Variants in DDX60L observed in about 807,000 individuals in gnomAD.
DDX60L encodes the protein probable ATP-dependent RNA helicase DDX60-like.
In DDX60L, 191 loss-of-function variants were observed where a neutral mutation model predicts 211.6. The observed-to-expected ratio is 0.90, with a 90% CI of 0.80 to 1.02. The LOEUF is 1.02. Among genes scored for constraint, DDX60L ranks in the 50% least tolerant of loss-of-function variants. The pLI is 0.00. For synonymous variants in DDX60L, 706 were observed against 694.1 expected, an observed-to-expected ratio of 1.02 and a Z score of -0.27; for missense variants, 2,007 against 1,984.1, an observed-to-expected ratio of 1.01 and a Z score of -0.22.
chr4:168,390,570 G>T, intron 29 of DDX60L: 1 of 1,043,020 alleles, frequency 9.6e-7, no homozygotes, highest in Non-Finnish European at 1.3e-6. Flanking sequence ...TCAAGAATAA[G>T]CAAAATGATA....
chr4:168,391,406 C>A, intron 29 of DDX60L, 134 bp downstream of exon 29: 1 of 619,680 alleles, frequency 1.6e-6, no homozygotes. Flanking sequence ...GGCCACTCAA[C>A]TCAAAAATGC....
chr4:168,471,905 A>G lies in DDX60L; in HGVS notation c.106T>C (p.Ser36Pro). The G allele has an allele frequency of 6.2e-7, 1 of 1,607,920 alleles. No individual in the cohort carries two copies. Among genetic ancestry groups the G allele is most frequent in the Non-Finnish European group, 8.5e-7 (1 of 1,178,318 alleles). The change falls in exon 4 of 38, where the codon TCT (serine) becomes CCT (proline). Residue 36 changes from serine (S) to proline (P), a missense_variant. Coordinates refer to ENST00000682922, the MANE Select transcript of DDX60L (RefSeq NM_001012967.3). ...TCTCCATCAATCACAAAAAAATTAG[A>G]TTCCACAAAATCATTTAATATGCTG... is the stretch of plus-strand genomic sequence containing the variant. ...YSSILNDFVE[S>P]NFFVIDGDSL... is the part of the protein sequence containing the mutation.
intron 1 of DDX60L, among the ~76,000 whole-genome samples, chr4:168,479,530 G>A (rs1041251986): frequency 1.3e-5 from 2 of 152,088 alleles, no homozygotes; most frequent in African/African-American, 2.4e-5. Flanking sequence ...GCCCCATCAC[G>A]GATGATGTCA....
chr4:168,445,645 A>C lies in DDX60L; in HGVS notation c.1138+2993T>G, dbSNP rs574124630. Among the ~76,000 whole-genome samples the C allele has an allele frequency of 1.6e-3, 247 of 152,200 alleles. No individual in the cohort carries two copies. In the Middle Eastern group the frequency reaches 0.031, roughly 19 times the overall value. On this transcript the variant is annotated intron_variant, in intron 9 of 37. Transcript: ENST00000682922. ...AAAATCCTCAATAAAATACTGGCAA[A>C]ACAAATCCAGCAGCACATCCAAAAG...
rs182576346 is a variant in DDX60L at position 168,427,516 on chromosome 4, T to C, written c.1678-194A>G. ...AAACCTACTTAAACTTCAGTATAAA[T>C]GTAAATTGCCTCTTACTGCAGAATA... On this transcript the variant is annotated intron_variant, in intron 13 of 37. Coordinates refer to ENST00000682922, the MANE Select transcript of DDX60L (RefSeq NM_001012967.3). 2.2e-3 allele frequency among the ~76,000 whole-genome samples: 338 copies of C among 152,318 alleles called. 3 individuals are homozygous for C. Among genetic ancestry groups the C allele is most frequent in the African/African-American group, 7.9e-3 (329 of 41,554 alleles).
intron 27 of DDX60L, 118 bp downstream of exon 27, chr4:168,395,839 CAG>C (rs772693467): frequency 7.0e-6 from 5 of 710,386 alleles, no homozygotes; most frequent in Non-Finnish European, 1.2e-5. Context: ...AAATCACACA[CAG>C]AGATAATCAT....
At chr4:168,369,316 C>T (rs544640636) in intron 36 of DDX60L, among the ~76,000 whole-genome samples, 52 of 152,124 alleles carry the variant, frequency 3.4e-4, no homozygotes, top group Non-Finnish European at 5.4e-4. Context: ...TGCACATGCT[C>T]TCTTCTCTTG....
intron 32 of DDX60L, among the ~76,000 whole-genome samples, chr4:168,378,851 C>G (rs545889066): frequency 6.6e-6 from 1 of 152,120 alleles, no homozygotes; most frequent in African/African-American, 2.4e-5. Context: ...GGTATCTCAA[C>G]GGCTAATTGA....
Position 168,358,021 on chromosome 4 carries a change from A to C in DDX60L, c.*126T>G. 3.7e-6 allele frequency: 3 copies of C among 801,624 alleles called. No homozygotes were observed. The highest frequency in any genetic ancestry group is 1.7e-5 in the South Asian group (1 of 59,196). The allele number at this position is 801,624 out of a possible 1,614,324, so 49.7% of individuals were successfully genotyped here. A position where few individuals can be genotyped will look rare whatever the true frequency, so the allele number is the denominator to read the frequency against. On this transcript the variant is annotated 3_prime_UTR_variant, in exon 38 of 38. Transcript: ENST00000682922. ...TCAGTTAGAAAATAGCAGAGCTGAT[A>C]TCTGAGTTTAATTCTGTTTGACTCC...
rs117594605 is a variant in DDX60L at position 168,385,327 on chromosome 4, C to T, written c.3916-515G>A. 2.2e-3 allele frequency among the ~76,000 whole-genome samples: 338 copies of T among 152,304 alleles called. 10 individuals are homozygous for T. In the East Asian group the frequency reaches 0.052, roughly 23 times the overall value. ...AAGAGCTTCCACACAGCTGAATACA[C>T]GGAGTTTCCTGGAGGGTGGTGTGCC... On this transcript the variant is annotated intron_variant, in intron 29 of 37. Coordinates refer to ENST00000682922, the MANE Select transcript of DDX60L (RefSeq NM_001012967.3).
intron 19 of DDX60L, among the ~76,000 whole-genome samples, chr4:168,418,809 T>G (rs1013583029): frequency 2.0e-5 from 3 of 152,240 alleles, no homozygotes; most frequent in African/African-American, 4.8e-5. Context: ...TCACCCAGCC[T>G]CCTTAGCCCT....
chr4:168,471,650 G>C, intron 4 of DDX60L, 97 bp downstream of exon 4: 1 of 948,410 alleles, frequency 1.1e-6, no homozygotes, highest in Non-Finnish European at 1.5e-6. Context: ...TATTTTCTAT[G>C]ATGACATGCT....
chr4:168,424,189 G>A (rs566413012), intron 14 of DDX60L, among the ~76,000 whole-genome samples: 1 of 152,252 alleles, frequency 6.6e-6, no homozygotes, highest in Non-Finnish European at 1.5e-5. Context: ...ACCAAAACAT[G>A]AGCAACATTT....
In DDX60L at chr4:168,358,009, A is replaced by T. The variant is rs1303611897; in HGVS notation, c.*138T>A. ...ACTTAAAGTCATTCAGTTAGAAAAT[A>T]GCAGAGCTGATATCTGAGTTTAATT... is the stretch of plus-strand genomic sequence containing the variant. On this transcript the variant is annotated 3_prime_UTR_variant, in exon 38 of 38. Coordinates refer to ENST00000682922, the MANE Select transcript of DDX60L (RefSeq NM_001012967.3). The T allele has an allele frequency of 1.1e-5, 8 of 733,892 alleles. No individual in the cohort carries two copies. The highest frequency in any genetic ancestry group is 1.5e-5 in the Non-Finnish European group (7 of 453,656). 45.5% of individuals were successfully genotyped at this position (733,892 alleles called of 1,614,324 possible).
In DDX60L at chr4:168,384,688, G is replaced by A. The variant is rs200066320; in HGVS notation, c.4040C>T (p.Pro1347Leu). The change falls in exon 30 of 38, where the codon CCT becomes CTT. Residue 1347 changes from proline (P) to leucine (L), a missense_variant. Pro to Leu is a moderately conservative substitution (Grantham distance 98). Coordinates refer to ENST00000682922, the MANE Select transcript of DDX60L (RefSeq NM_001012967.3). ...SSVPELRGQF[P>L]LSITLVLRLM... is the part of the protein sequence containing the mutation. ...TCGCAGGACCAGGGTTATGCTGAGA[G>A]GGAACTGTCCTCTCAGCTCAGGAAC... 146 of 1,613,942 alleles carry A rather than the reference G, an allele frequency of 9.0e-5. No homozygotes were observed. Among genetic ancestry groups the A allele is most frequent in the Admixed American group, 3.0e-4 (18 of 59,926 alleles).
intron 22 of DDX60L, among the ~76,000 whole-genome samples, chr4:168,413,044 C>T (rs552656168): frequency 5.9e-5 from 9 of 152,198 alleles, no homozygotes; most frequent in Non-Finnish European, 1.2e-4. Context: ...CCTCCAAATA[C>T]CTGGGAAGCC....
rs114701317 is a variant in DDX60L, at chr4:168,480,454, C to A, written c.-188G>T. ...GGGGAGGAGGTGGAGCAGAGGAGAC[C>A]GAGCGCAGAGCCTGGCGTCGGACTG... On this transcript the variant is annotated 5_prime_UTR_variant, in exon 1 of 38. Coordinates refer to ENST00000682922, the MANE Select transcript of DDX60L (RefSeq NM_001012967.3). The A allele has an allele frequency of 0.012, 1,860 of 152,384 alleles. 19 individuals carry two copies. Among genetic ancestry groups the A allele is most frequent in the Non-Finnish European group, 0.02 (1,345 of 68,084 alleles). The allele number at this position is 152,384 out of a possible 1,614,324, so 9.4% of individuals were successfully genotyped here.
chr4:168,392,788 C>T (rs1447028310), intron 28 of DDX60L, among the ~76,000 whole-genome samples: 5 of 149,250 alleles, frequency 3.4e-5, no homozygotes, highest in African/African-American at 7.5e-5. Context: ...TGCAGCGAGC[C>T]GAGATTAAAC....
At position 168,471,848 on chromosome 4, in the gene DDX60L, A is replaced by AT. The variant is rs1758824285; in HGVS notation, c.162dup (p.Ser55IlefsTer15). ...TGGAGATTCTGTCCCCACTTGAATG[A>AT]TTTTACACCCAGGCATGTGACAAGC... On this transcript the variant is annotated frameshift_variant, in exon 4 of 38. Transcript: ENST00000682922. LOFTEE classifies it high-confidence loss of function. 1.2e-6 allele frequency: 2 copies of AT among 1,613,708 alleles called. No homozygotes were observed. Among genetic ancestry groups the AT allele is most frequent in the Non-Finnish European group, 1.7e-6 (2 of 1,179,910 alleles).
Sources: gnomAD v4.1 joint callset for allele counts (sites outside exome capture counted in the v4.1 genomes callset) on GRCh38, gnomAD v4.1.1 for gene constraint, MANE v1.5 for transcripts, NCBI Gene and HGNC (gene_info 2026-07-23, HGNC 2026-07-21) for gene names.